The following GRID1 variants were observed in gnomAD, a reference collection of about 807,000 sequenced individuals.
The protein encoded by GRID1 is glutamate receptor ionotropic, delta-1.
In GRID1, 28 loss-of-function variants were observed where a neutral mutation model predicts 98.0. That is an observed-to-expected ratio of 0.29 (90% CI 0.21 to 0.39). The LOEUF (loss-of-function observed/expected upper bound fraction) is 0.39, where lower values mean the gene tolerates loss of function less well. GRID1 is among the 10% of genes least tolerant of loss of function. The pLI is 1.00. For synonymous variants in GRID1, 553 were observed against 538.5 expected (o/e 1.03, Z -0.37); for missense variants, 1,111 against 1,340.5 (o/e 0.83, Z 2.67).
chr10:85,772,210 T>C (rs1324908452), intron 8 of GRID1, among the ~76,000 whole-genome samples: 2 of 152,054 alleles, frequency 1.3e-5, no homozygotes, highest in African/African-American at 2.4e-5. Context: ...AACAACCTGC[T>C]CCTGAATGAC....
At chr10:86,305,364 T>C (rs1230202035) in intron 2 of GRID1, among the ~76,000 whole-genome samples, 1 of 152,232 alleles carries the variant, frequency 6.6e-6, no homozygotes, top group South Asian at 2.1e-4. Context: ...ATGTGTCCCA[T>C]AAGCCTATCT....
At chr10:85,875,661 A>T (rs958061210) in intron 5 of GRID1, among the ~76,000 whole-genome samples, 4 of 152,120 alleles carry the variant, frequency 2.6e-5, no homozygotes, top group Non-Finnish European at 4.4e-5. Flanking sequence ...GTTATGCTAG[A>T]TATTTTAATA....
At chr10:86,314,178 T>G (rs1046899595) in intron 2 of GRID1, among the ~76,000 whole-genome samples, 2 of 152,218 alleles carry the variant, frequency 1.3e-5, no homozygotes, top group African/African-American at 4.8e-5. Context: ...AAGCTCCACT[T>G]CCTTGCCCCT....
At chr10:86,040,374 T>G (rs77195301) in intron 4 of GRID1, among the ~76,000 whole-genome samples, 11,552 of 152,080 alleles carry the variant, frequency 0.076, 528 homozygotes, top group African/African-American at 0.13. Flanking sequence ...AGAAAATGTG[T>G]TATACATAAA....
At chr10:85,640,057 G>A (rs912607880) in intron 13 of GRID1, among the ~76,000 whole-genome samples, 1 of 152,118 alleles carries the variant, frequency 6.6e-6, no homozygotes, top group Non-Finnish European at 1.5e-5. Context: ...ACAGAAAGGT[G>A]AACACTTGTT....
At chr10:86,241,545 C>G (rs1846635785) in intron 2 of GRID1, among the ~76,000 whole-genome samples, 1 of 152,278 alleles carries the variant, frequency 6.6e-6, no homozygotes, top group African/African-American at 2.4e-5. Context: ...GAACTCCCCC[C>G]CACCGCTATC....
At chr10:86,226,099 A>C (rs1486573485) in intron 2 of GRID1, among the ~76,000 whole-genome samples, 1 of 152,098 alleles carries the variant, frequency 6.6e-6, no homozygotes, top group Non-Finnish European at 1.5e-5. Flanking sequence ...AGAAGCAAGA[A>C]GAGCGTAAGA....
chr10:86,187,382 C>G (rs1845740301), intron 3 of GRID1, among the ~76,000 whole-genome samples: 1 of 152,272 alleles, frequency 6.6e-6, no homozygotes, highest in East Asian at 1.9e-4. Context: ...CATTGAGTAC[C>G]TCACCCAAGT....
intron 2 of GRID1, among the ~76,000 whole-genome samples, chr10:86,225,994 T>C (rs1457041899): frequency 6.6e-6 from 1 of 152,072 alleles, no homozygotes; most frequent in Non-Finnish European, 1.5e-5. Context: ...GGCTTTGGAA[T>C]TCCACAGGCC....
chr10:85,639,234 A>C (rs756153983), intron 13 of GRID1, among the ~76,000 whole-genome samples: 5 of 151,744 alleles, frequency 3.3e-5, no homozygotes, highest in Non-Finnish European at 7.4e-5. Context: ...TATCATTCCC[A>C]CACACACAAA....
chr10:86,356,161 C>T (rs1228474064), intron 2 of GRID1, among the ~76,000 whole-genome samples: 2 of 152,176 alleles, frequency 1.3e-5, no homozygotes, highest in East Asian at 1.9e-4. Context: ...GGGACCCAGG[C>T]TTCCTAACTT....
At chr10:86,324,173 A>T (rs1021213893) in intron 2 of GRID1, among the ~76,000 whole-genome samples, 2 of 151,842 alleles carry the variant, frequency 1.3e-5, no homozygotes, top group Non-Finnish European at 1.5e-5. Context: ...AGTGAGACTC[A>T]TCTCAAAAAA....
intron 8 of GRID1, among the ~76,000 whole-genome samples, chr10:85,781,776 A>C (rs941663434): frequency 6.6e-6 from 1 of 151,874 alleles, no homozygotes; most frequent in African/African-American, 2.4e-5. Flanking sequence ...TCAATTTCCA[A>C]TGAAGAAAGA....
Position 86,293,917 on chromosome 10 carries a change from A to AT in GRID1, c.235+70023dup, listed in dbSNP as rs760526993. Among the ~76,000 whole-genome samples the AT allele has an allele frequency of 2.6e-5, 4 of 152,250 alleles. No individual in the cohort carries two copies. In the East Asian group the frequency reaches 7.7e-4, roughly 29 times the overall value. ...TAGTAAAATTAAAAATGGCTGATGG[A>AT]TAAAAAATAACAATAAGATAATAAA... On this transcript the variant is annotated intron_variant, in intron 2 of 15. Transcript: ENST00000327946.
At chr10:85,723,190 C>T in intron 11 of GRID1, 49 bp from the exon 12 acceptor site, 1 of 1,553,576 alleles carries the variant, frequency 6.4e-7, no homozygotes. Flanking sequence ...TGCTCTCCCT[C>T]CTATCCCCAG....
At chr10:85,735,962 TGAA>T (rs1232730491) in intron 8 of GRID1, among the ~76,000 whole-genome samples, 2 of 61,920 alleles carry the variant, frequency 3.2e-5, no homozygotes, top group Non-Finnish European at 3.1e-5. Context: ...AGGGAGAAAG[TGAA>T]GAAGGGAGAG....
intron 4 of GRID1, among the ~76,000 whole-genome samples, chr10:85,981,941 A>G (rs1361333182): frequency 6.6e-6 from 1 of 152,214 alleles, no homozygotes; most frequent in African/African-American, 2.4e-5. Context: ...GGCCTCTGTG[A>G]TGAGGCAGCA....
chr10:85,617,231 C>G (rs1590161011), intron 14 of GRID1, among the ~76,000 whole-genome samples: 3 of 145,666 alleles, frequency 2.1e-5, no homozygotes, highest in African/African-American at 7.5e-5. Context: ...CAAAGCCCCC[C>G]CCCCCTTTTA....
At chr10:85,728,146 C>T (rs1841783249) in intron 9 of GRID1, 94 bp from the exon 10 acceptor site, 4 of 947,970 alleles carry the variant, frequency 4.2e-6, no homozygotes, top group Non-Finnish European at 6.8e-6. Flanking sequence ...CTGATTAGAA[C>T]ATTTGCAGTT....
Sources: allele counts gnomAD v4.1 joint callset (sites outside exome capture counted in the v4.1 genomes callset), GRCh38; gene constraint gnomAD v4.1.1; transcripts MANE v1.5; gene names NCBI Gene and HGNC (gene_info 2026-07-23, HGNC 2026-07-21).